KCNQ3: variants seen among roughly 807,000 people sequenced by gnomAD.
KCNQ3 encodes potassium voltage-gated channel subfamily KQT member 3.
In KCNQ3, 30 loss-of-function variants were observed where a neutral mutation model predicts 92.5. The observed-to-expected ratio is 0.32, with a 90% CI of 0.24 to 0.44. KCNQ3 has a LOEUF of 0.44. Among genes scored for constraint, KCNQ3 ranks in the 20% least tolerant of loss-of-function variants. The pLI is 1.00. For synonymous variants in KCNQ3, 450 were observed against 468.8 expected (o/e 0.96, Z 0.52); for missense variants, 913 against 1,140.3 (o/e 0.80, Z 2.87).
At chr8:132,320,464 G>C (rs1373224266) in intron 1 of KCNQ3, among the ~76,000 whole-genome samples, 1 of 152,092 alleles carries the variant, frequency 6.6e-6, no homozygotes, top group Non-Finnish European at 1.5e-5. Flanking sequence ...ATTTGCCAAA[G>C]GTCACAGTGT....
intron 1 of KCNQ3, among the ~76,000 whole-genome samples, chr8:132,401,021 T>C (rs891449323): frequency 6.6e-6 from 1 of 152,180 alleles, no homozygotes; most frequent in African/African-American, 2.4e-5. Context: ...CTGGGAAACC[T>C]GGACTTAGTT....
intron 1 of KCNQ3, among the ~76,000 whole-genome samples, chr8:132,265,485 G>C (rs1383425594): frequency 2.0e-5 from 3 of 152,166 alleles, no homozygotes; most frequent in Admixed American, 6.5e-5. Flanking sequence ...GCTTCTACAA[G>C]GTTTGTTTCC....
At chr8:132,318,096 T>C (rs1204413363) in intron 1 of KCNQ3, among the ~76,000 whole-genome samples, 1 of 152,216 alleles carries the variant, frequency 6.6e-6, no homozygotes, top group African/African-American at 2.4e-5. Flanking sequence ...TGGAGATTTA[T>C]TAAATTGCTT....
intron 1 of KCNQ3, among the ~76,000 whole-genome samples, chr8:132,192,219 C>T (rs1478354372): frequency 6.6e-6 from 1 of 152,196 alleles, no homozygotes; most frequent in Non-Finnish European, 1.5e-5. Flanking sequence ...AGAGGCCCGG[C>T]GTAGCCCCGC....
intron 9 of KCNQ3, among the ~76,000 whole-genome samples, chr8:132,160,083 G>A: frequency 6.6e-6 from 1 of 152,190 alleles, no homozygotes; most frequent in Admixed American, 6.5e-5. Context: ...AGGGTCAGGG[G>A]CAGAGGGTCA....
rs1354733223 is a variant in KCNQ3, at chr8:132,480,615, C to T, written c.-83G>A. ...CGCTCGGGGTGCGTGAACGAGGCGG[C>T]GGCGGCGGCTGCAAGCCCGGGAACT... On this transcript the variant is annotated 5_prime_UTR_variant, in exon 1 of 15. Coordinates refer to ENST00000388996, the MANE Select transcript of KCNQ3 (RefSeq NM_004519.4). 5 of 1,194,530 alleles carry T rather than the reference C, an allele frequency of 4.2e-6. No individual in the cohort carries two copies. The South Asian group carries it at 5.1e-5, about 12-fold the overall frequency. The allele number at this position is 1,194,530 out of a possible 1,614,324, so 74.0% of individuals were successfully genotyped here.
intron 1 of KCNQ3, among the ~76,000 whole-genome samples, chr8:132,234,283 A>G (rs1197380555): frequency 6.6e-6 from 1 of 150,594 alleles, no homozygotes; most frequent in Admixed American, 6.7e-5. Flanking sequence ...GTGGGTGTTC[A>G]GATCCTCTTT....
At chr8:132,426,415 G>C (rs887867314) in intron 1 of KCNQ3, among the ~76,000 whole-genome samples, 1 of 152,186 alleles carries the variant, frequency 6.6e-6, no homozygotes, top group African/African-American at 2.4e-5. Flanking sequence ...TGGGAACCAG[G>C]GGGCACCCCC....
rs540574784 is a variant in KCNQ3 at position 132,129,426 on chromosome 8, C to T, written c.2455G>A (p.Gly819Ser). ...ATCCAGCTCGACCCCCCATTGGGGCCGAACACATAATCATCTCTGTCCTGG... is the reference window on the plus strand; with the variant it reads ...ATCCAGCTCGACCCCCCATTGGGGCTGAACACATAATCATCTCTGTCCTGG... Reference protein sequence around the residue: ...ISQDRDDYVFGPNGGSSWMRE... With the variant: ...ISQDRDDYVFSPNGGSSWMRE... The change falls in exon 15 of 15, where the codon GGC becomes AGC. Residue 819 changes from glycine (G) to serine (S), a missense_variant. By Grantham distance (56) the Gly-to-Ser change is moderately conservative (BLOSUM62 0). Around this residue, in one of 6 missense-constraint regions of KCNQ3, gnomAD observed 375 missense variants for 376.4 expected, o/e 1.00. Transcript: ENST00000388996. The surrounding 1 kb of genome is among the most constrained non-coding windows in gnomAD (Gnocchi z 5.9). 1.1e-5 allele frequency: 17 copies of T among 1,614,194 alleles called. No homozygotes were observed. The highest frequency in any genetic ancestry group is 7.7e-5 in the South Asian group (7 of 91,082).
intron 1 of KCNQ3, among the ~76,000 whole-genome samples, chr8:132,187,720 A>ATGGTGGTGATAGTGATGATGGTGG (rs1827019633): frequency 8.3e-6 from 1 of 120,766 alleles, no homozygotes; most frequent in African/African-American, 3.3e-5. Context: ...GGTGGTGGTG[A>ATGGTGGTGATAGTGATGATGGTGG]TGGTGGTGAT....
chr8:132,334,988 A>ATTTT (rs1327610205), intron 1 of KCNQ3, among the ~76,000 whole-genome samples: 2 of 130,140 alleles, frequency 1.5e-5, no homozygotes, highest in Non-Finnish European at 3.3e-5. Flanking sequence ...CATCTTAGAC[A>ATTTT]TTTTTCTTCC....
At chr8:132,132,466 T>C (rs1406091453) in intron 13 of KCNQ3, among the ~76,000 whole-genome samples, 1 of 152,252 alleles carries the variant, frequency 6.6e-6, no homozygotes, top group East Asian at 1.9e-4. Context: ...TGGTATCTCA[T>C]GTTTACCTCC....
chr8:132,180,309 A>G lies in KCNQ3; in HGVS notation c.625T>C (p.Ser209Pro). ...TTTCCCACAGCAACCACTGGCACAGAGGCAATCAGCACAAAGATGTCTGGG... is the reference window on the plus strand; with the variant it reads ...TTTCCCACAGCAACCACTGGCACAGGGGCAATCAGCACAAAGATGTCTGGG... ...CMLDIFVLIA[S>P]VPVVAVGNQG... Residue 209 changes from serine to proline, a missense_variant, in exon 4 of 15, where the codon TCT (serine) becomes CCT (proline). Ser to Pro is a moderately conservative substitution (Grantham distance 74, BLOSUM62 -1). Coordinates refer to ENST00000388996, the MANE Select transcript of KCNQ3 (RefSeq NM_004519.4). 1 of 1,614,148 alleles carries G rather than the reference A, an allele frequency of 6.2e-7. No individual in the cohort carries two copies.
intron 1 of KCNQ3, among the ~76,000 whole-genome samples, chr8:132,377,970 T>A (rs562059339): frequency 1.2e-4 from 18 of 152,260 alleles, no homozygotes; most frequent in African/African-American, 3.9e-4. Context: ...AACACAGTAA[T>A]CAACATATTC....
At chr8:132,144,923 G>A (rs768497918) in intron 9 of KCNQ3, among the ~76,000 whole-genome samples, 7 of 152,076 alleles carry the variant, frequency 4.6e-5, no homozygotes, top group Non-Finnish European at 8.8e-5. Flanking sequence ...CATGGCACTC[G>A]GCCACTACAG....
chr8:132,429,239 T>C (rs1821185274), intron 1 of KCNQ3, among the ~76,000 whole-genome samples: 1 of 152,178 alleles, frequency 6.6e-6, no homozygotes, highest in African/African-American at 2.4e-5. Context: ...GCATCTTGTC[T>C]CCTTATCATT....
At chr8:132,262,887 T>C (rs1815836701) in intron 1 of KCNQ3, among the ~76,000 whole-genome samples, 1 of 152,224 alleles carries the variant, frequency 6.6e-6, no homozygotes, top group South Asian at 2.1e-4. Context: ...TATGTGACAT[T>C]GATCGGCTAA....
intron 1 of KCNQ3, among the ~76,000 whole-genome samples, chr8:132,360,828 T>C (rs957493521): frequency 6.6e-6 from 1 of 152,230 alleles, no homozygotes; most frequent in African/African-American, 2.4e-5. Flanking sequence ...ATAAACTTGA[T>C]ATCTTTTGGA....
rs544812619 is a variant in KCNQ3, at chr8:132,309,603, C to T, written c.387-123422G>A. Among the ~76,000 whole-genome samples the T allele has an allele frequency of 6.6e-5, 10 of 152,312 alleles. No individual in the cohort carries two copies. The East Asian group carries it at 1.5e-3, about 24-fold the overall frequency. The stretch of plus-strand genomic sequence containing the variant: ...GGCACCTCCCAGCATCGCTGACAAG[C>T]GAGCTGCAACACCAAATAGCAAGGA... On this transcript the variant is annotated intron_variant, in intron 1 of 14. Coordinates refer to ENST00000388996, the MANE Select transcript of KCNQ3 (RefSeq NM_004519.4).
Sources: allele counts gnomAD v4.1 joint callset (sites outside exome capture counted in the v4.1 genomes callset), GRCh38; gene constraint gnomAD v4.1.1; regional missense constraint gnomAD v4.1.1; non-coding constraint Gnocchi (gnomAD v3.1); transcripts MANE v1.5; gene names NCBI Gene and HGNC (gene_info 2026-07-23, HGNC 2026-07-21).